LIPC: variants seen among roughly 807,000 people sequenced by gnomAD.
LIPC encodes lipase C, hepatic type.
A neutral mutation model predicts 50.7 loss-of-function variants in LIPC; 44 were observed. The observed-to-expected ratio is 0.87, with a 90% CI of 0.68 to 1.11. LIPC has a LOEUF of 1.11. Ranked by LOEUF, LIPC falls within the 50% of genes most tolerant of loss-of-function variation. The pLI, the probability that LIPC is intolerant of heterozygous loss-of-function variation, is 0.00. For missense variants in LIPC, 697 were observed against 648.2 expected (o/e 1.08, Z -0.82); for synonymous variants, 271 against 256.4 (o/e 1.06, Z -0.54).
At chr15:58,433,673 G>C (rs554218070) in intron 1 of LIPC, among the ~76,000 whole-genome samples, 1 of 152,196 alleles carries the variant, frequency 6.6e-6, no homozygotes, top group Non-Finnish European at 1.5e-5. Context: ...CTGAGATAGA[G>C]GTTGAAGGGA....
intron 1 of LIPC, among the ~76,000 whole-genome samples, chr15:58,437,211 G>A (rs538695364): frequency 6.1e-4 from 93 of 152,288 alleles, no homozygotes; most frequent in Admixed American, 1.5e-3. Context: ...AAGAGTCGTT[G>A]AGCCTCCTGA....
intron 1 of LIPC, among the ~76,000 whole-genome samples, chr15:58,506,321 G>T (rs1892147012): frequency 6.6e-6 from 1 of 152,126 alleles, no homozygotes. Context: ...AGAAATAGAA[G>T]CCAGCCACAC....
At chr15:58,562,468 T>A (rs974976050) in intron 7 of LIPC, among the ~76,000 whole-genome samples, 2 of 152,136 alleles carry the variant, frequency 1.3e-5, no homozygotes, top group African/African-American at 4.8e-5. Context: ...AGCCTCCCCA[T>A]CTGTCCTTCA....
intron 6 of LIPC, among the ~76,000 whole-genome samples, chr15:58,556,489 CAGA>C (rs1318704756): frequency 1.3e-5 from 2 of 152,106 alleles, no homozygotes; most frequent in South Asian, 4.1e-4. Flanking sequence ...GTGAAACTTG[CAGA>C]AGAACATAAA....
chr15:58,474,495 A>G (rs1890916086), intron 1 of LIPC, among the ~76,000 whole-genome samples: 1 of 143,192 alleles, frequency 7.0e-6, no homozygotes, highest in Admixed American at 7.2e-5. Context: ...TAGGCAACAG[A>G]GCTAGACCCT....
chr15:58,499,044 A>G (rs1321444997), intron 1 of LIPC, among the ~76,000 whole-genome samples: 1 of 152,230 alleles, frequency 6.6e-6, no homozygotes, highest in Non-Finnish European at 1.5e-5. Context: ...CGTGTCAGGC[A>G]GAGCAGGATT....
At chr15:58,481,776 C>A (rs1444515919) in intron 1 of LIPC, among the ~76,000 whole-genome samples, 1 of 152,122 alleles carries the variant, frequency 6.6e-6, no homozygotes, top group Non-Finnish European at 1.5e-5. Flanking sequence ...TCCAGCCTGG[C>A]CAGCAGAGCG....
intron 8 of LIPC, chr15:58,566,036 T>C (rs1894354390): frequency 1.0e-6 from 1 of 984,616 alleles, no homozygotes; most frequent in East Asian, 1.1e-4. Flanking sequence ...TCTCAAACTT[T>C]CACGAGCATA....
intron 1 of LIPC, chr15:58,473,902 C>T (rs1451195804): frequency 6.6e-6 from 1 of 152,394 alleles, no homozygotes; most frequent in Admixed American, 6.5e-5. Context: ...GTTTTCCTGC[C>T]AGACTATAGC....
chr15:58,435,364 G>A (rs2140624761), intron 1 of LIPC: 1 of 152,296 alleles, frequency 6.6e-6, no homozygotes, highest in Admixed American at 6.5e-5. Flanking sequence ...GACATCCTAA[G>A]GCGATCTCCC....
At chr15:58,512,962 A>C (rs1170394921) in intron 1 of LIPC, among the ~76,000 whole-genome samples, 2 of 136,122 alleles carry the variant, frequency 1.5e-5, no homozygotes, top group Admixed American at 1.5e-4. Flanking sequence ...AGCATCAACG[A>C]AAAAAAAAAA....
At chr15:58,549,176 G>A (rs557792891) in intron 6 of LIPC, among the ~76,000 whole-genome samples, 2 of 152,326 alleles carry the variant, frequency 1.3e-5, no homozygotes, top group Admixed American at 6.5e-5. Context: ...CTGTGACCAC[G>A]TCTTAGGCTG....
chr15:58,496,442 G>A (rs1257894321), intron 1 of LIPC, among the ~76,000 whole-genome samples: 1 of 152,112 alleles, frequency 6.6e-6, no homozygotes, highest in East Asian at 1.9e-4. Flanking sequence ...GCTCAGAGAA[G>A]TGCCTGGCAC....
chr15:58,566,972 G>A (rs1894383729), intron 8 of LIPC, among the ~76,000 whole-genome samples: 1 of 151,956 alleles, frequency 6.6e-6, no homozygotes, highest in Non-Finnish European at 1.5e-5. Context: ...CGTTTAGTGA[G>A]TACCTACCTT....
intron 1 of LIPC, among the ~76,000 whole-genome samples, chr15:58,453,637 A>G (rs1018106690): frequency 6.6e-6 from 1 of 152,170 alleles, no homozygotes; most frequent in South Asian, 2.1e-4. Context: ...GCGGTGGCTT[A>G]TGCCTGTAAT....
At chr15:58,505,553 T>C (rs1375738067) in intron 1 of LIPC, among the ~76,000 whole-genome samples, 6 of 152,174 alleles carry the variant, frequency 3.9e-5, no homozygotes, top group Admixed American at 6.5e-5. Flanking sequence ...AGTATGAAGA[T>C]AGACTGTTCA....
intron 1 of LIPC, among the ~76,000 whole-genome samples, chr15:58,512,597 G>A (rs771009147): frequency 6.6e-6 from 1 of 152,190 alleles, no homozygotes; most frequent in African/African-American, 2.4e-5. Flanking sequence ...ACAGCCCACA[G>A]GGTGACATCT....
intron 1 of LIPC, among the ~76,000 whole-genome samples, chr15:58,506,361 C>T (rs760090710): frequency 9.2e-5 from 14 of 152,132 alleles, no homozygotes; most frequent in Admixed American, 2.0e-4. Flanking sequence ...GCACATTGAA[C>T]GGGCTCAGTT....
intron 1 of LIPC, among the ~76,000 whole-genome samples, chr15:58,474,297 C>A (rs1890906862): frequency 6.6e-6 from 1 of 152,102 alleles, no homozygotes; most frequent in South Asian, 2.1e-4. Flanking sequence ...CAGGGTGATT[C>A]ACTTGAGCCC....
Sources: allele counts gnomAD v4.1 joint callset (sites outside exome capture counted in the v4.1 genomes callset), GRCh38; gene constraint gnomAD v4.1.1; transcripts MANE v1.5; gene names NCBI Gene and HGNC (gene_info 2026-07-23, HGNC 2026-07-21).